SMOC2: variants seen among roughly 807,000 people sequenced by gnomAD.
SMOC2 encodes the protein SPARC related modular calcium binding 2.
Under a neutral mutation model 61.4 loss-of-function variants are expected in SMOC2, and 39 were observed. That is an observed-to-expected ratio of 0.64 (90% CI 0.49 to 0.83). The LOEUF (loss-of-function observed/expected upper bound fraction) is 0.83, where lower values mean the gene tolerates loss of function less well. SMOC2 is among the 40% of genes least tolerant of loss of function. The pLI is 0.00. For synonymous variants in SMOC2, 247 were observed against 239.9 expected (o/e 1.03, Z -0.27); for missense variants, 556 against 592.9 (o/e 0.94, Z 0.65).
chr6:168,492,401 C>T (rs1269527672), intron 1 of SMOC2, among the ~76,000 whole-genome samples: 5 of 152,202 alleles, frequency 3.3e-5, no homozygotes, highest in African/African-American at 1.2e-4. Flanking sequence ...GAAGCTCTAC[C>T]ACCTCTCAGC....
intron 2 of SMOC2, among the ~76,000 whole-genome samples, chr6:168,525,384 C>G (rs933043921): frequency 6.6e-6 from 1 of 152,174 alleles, no homozygotes; most frequent in East Asian, 1.9e-4. Context: ...AGTAAGCAAC[C>G]GACTTTGTGG....
At chr6:168,518,855 C>A (rs887788843) in intron 2 of SMOC2, among the ~76,000 whole-genome samples, 1 of 143,250 alleles carries the variant, frequency 7.0e-6, no homozygotes, top group Non-Finnish European at 1.5e-5. Context: ...GTGTGTGCCT[C>A]CTTGTGTATG....
At chr6:168,649,893 A>T (rs1017741130) in intron 9 of SMOC2, among the ~76,000 whole-genome samples, 6 of 152,214 alleles carry the variant, frequency 3.9e-5, no homozygotes, top group African/African-American at 1.4e-4. Context: ...AGCACCGGGA[A>T]CGGTCTCAGG....
intron 9 of SMOC2, among the ~76,000 whole-genome samples, chr6:168,624,104 A>G (rs2115236266): frequency 6.6e-6 from 1 of 152,342 alleles, no homozygotes; most frequent in Middle Eastern, 3.4e-3. Context: ...AGGGTCAACA[A>G]CCACCACCAC....
intron 7 of SMOC2, among the ~76,000 whole-genome samples, chr6:168,579,109 T>C (rs996431915): frequency 1.3e-5 from 2 of 152,328 alleles, no homozygotes; most frequent in African/African-American, 2.4e-5. Context: ...TGAGAACACA[T>C]GGCTAGTAAG....
chr6:168,475,844 A>C lies in SMOC2; in HGVS notation c.85-34071A>C, dbSNP rs188639199. ...GGCTGGGCAGTGGGCACAGGTGCCA[A>C]GGGGAATGGGGTCAGGGTTCTCCAG... is the stretch of plus-strand genomic sequence containing the variant. On this transcript the variant is annotated intron_variant, in intron 1 of 12. Coordinates refer to ENST00000356284, the MANE Select transcript of SMOC2 (RefSeq NM_001166412.2). This position sits in a 1 kb window ranked among gnomAD's most constrained non-coding sequence, Gnocchi z 4.6. Among the ~76,000 whole-genome samples the C allele has an allele frequency of 2.3e-3, 355 of 152,110 alleles. 3 individuals carry two copies. Among genetic ancestry groups the C allele is most frequent in the African/African-American group, 8.0e-3 (332 of 41,536 alleles).
At chr6:168,457,108 C>G (rs1688551939) in intron 1 of SMOC2, among the ~76,000 whole-genome samples, 1 of 152,232 alleles carries the variant, frequency 6.6e-6, no homozygotes, top group Non-Finnish European at 1.5e-5. Flanking sequence ...CACACTGCCT[C>G]AGGCACAGCG....
intron 1 of SMOC2, among the ~76,000 whole-genome samples, chr6:168,507,442 C>T (rs775333190): frequency 2.6e-5 from 4 of 152,208 alleles, no homozygotes; most frequent in South Asian, 2.1e-4. Context: ...CTGTGTGCTG[C>T]GAGAACGAGG....
At chr6:168,615,107 A>G (rs72503841) in intron 9 of SMOC2, among the ~76,000 whole-genome samples, 1,113 of 38,984 alleles carry the variant, frequency 0.029, 120 homozygotes, top group Middle Eastern at 0.056. Flanking sequence ...ACCTACAGCC[A>G]GCACAGGGGG....
chr6:168,569,105 T>A (rs1470501805), intron 7 of SMOC2, among the ~76,000 whole-genome samples: 1 of 152,236 alleles, frequency 6.6e-6, no homozygotes, highest in Non-Finnish European at 1.5e-5. Flanking sequence ...AAACTCTGTG[T>A]GTCTTCATAA....
intron 6 of SMOC2, 82 bp downstream of exon 6, chr6:168,547,251 T>C: frequency 8.1e-7 from 1 of 1,236,696 alleles, no homozygotes; most frequent in Non-Finnish European, 1.2e-6. Flanking sequence ...GAGCGAGTCA[T>C]CTTGTTAGAG....
chr6:168,534,038 G>A (rs1480011195), intron 4 of SMOC2, among the ~76,000 whole-genome samples: 1 of 152,132 alleles, frequency 6.6e-6, no homozygotes, highest in Non-Finnish European at 1.5e-5. Context: ...TTGAGCCCAG[G>A]AGTTTGAGAC....
At chr6:168,611,201 T>G (rs988262903) in intron 9 of SMOC2, among the ~76,000 whole-genome samples, 4 of 147,334 alleles carry the variant, frequency 2.7e-5, no homozygotes, top group African/African-American at 9.9e-5. Flanking sequence ...GGGCCCTATG[T>G]GGCTCCCGTG....
At chr6:168,542,257 CCA>C (rs561152095) in intron 4 of SMOC2, among the ~76,000 whole-genome samples, 182 of 152,124 alleles carry the variant, frequency 1.2e-3, no homozygotes, top group African/African-American at 4.3e-3. Context: ...CAGGAGGTGG[CCA>C]CACAGTGAGG....
chr6:168,525,772 C>T (rs947995098), intron 2 of SMOC2, among the ~76,000 whole-genome samples: 8 of 152,164 alleles, frequency 5.3e-5, no homozygotes, highest in Middle Eastern at 3.2e-3. Context: ...GGACGAGCCA[C>T]GCTCTCCTCT....
chr6:168,528,455 G>A (rs1783508745), intron 4 of SMOC2, among the ~76,000 whole-genome samples: 1 of 152,080 alleles, frequency 6.6e-6, no homozygotes, highest in South Asian at 2.1e-4. Context: ...TCAATATAAA[G>A]CAATAATAAA....
chr6:168,646,579 G>A (rs1050051461), intron 9 of SMOC2, among the ~76,000 whole-genome samples: 6 of 152,172 alleles, frequency 3.9e-5, no homozygotes, highest in Non-Finnish European at 7.4e-5. Context: ...AAATAAGGAC[G>A]TTTCATAGAA....
At chr6:168,443,041 TTAA>T (rs1460534405) in intron 1 of SMOC2, among the ~76,000 whole-genome samples, 1 of 152,224 alleles carries the variant, frequency 6.6e-6, no homozygotes, top group Non-Finnish European at 1.5e-5. Context: ...CCACATACTC[TTAA>T]AGCACACTAG....
intron 1 of SMOC2, among the ~76,000 whole-genome samples, chr6:168,462,684 T>C (rs1420059524): frequency 6.6e-6 from 1 of 152,050 alleles, no homozygotes; most frequent in Non-Finnish European, 1.5e-5. Flanking sequence ...TTTGCAGAGA[T>C]ATTTAGGGAG....
Sources: allele counts gnomAD v4.1 joint callset (sites outside exome capture counted in the v4.1 genomes callset), GRCh38; gene constraint gnomAD v4.1.1; non-coding constraint Gnocchi (gnomAD v3.1); transcripts MANE v1.5; gene names NCBI Gene and HGNC (gene_info 2026-07-23, HGNC 2026-07-21).